The following BTAF1 variants were observed in gnomAD, a reference collection of about 807,000 sequenced individuals.
The protein encoded by BTAF1 is TATA-binding protein-associated factor 172.
In BTAF1, 38 loss-of-function variants were observed where a neutral mutation model predicts 227.1. The ratio of observed to expected loss-of-function variants is 0.17; its 90% CI spans 0.13 to 0.22. BTAF1 has a LOEUF of 0.22. BTAF1 is among the 10% of genes least tolerant of loss of function. The probability of loss-of-function intolerance (pLI) is 1.00; values close to 1 mark genes in which losing one functional copy is unlikely to be tolerated. For missense variants in BTAF1, 1,598 were observed against 2,204.0 expected (o/e 0.73, Z 5.51); for synonymous variants, 742 against 751.9 (o/e 0.99, Z 0.21).
intron 13 of BTAF1, 21 bp downstream of exon 13, chr10:91,964,222 G>A (rs763505964): frequency 5.0e-6 from 8 of 1,606,310 alleles, no homozygotes; most frequent in Non-Finnish European, 6.8e-6. Context: ...CTAATTAGTG[G>A]AATAAAGTAA....
In BTAF1 at chr10:92,030,212, A is replaced by G. The variant is rs1372844292; in HGVS notation, c.*1279A>G. On this transcript the variant is annotated 3_prime_UTR_variant, in exon 38 of 38. Transcript: ENST00000265990. ...ACAGGTGTTTTGTTTAATTAAAATT[A>G]TACTGTTCTGCAGCATTTAGACATT... 2.0e-5 allele frequency: 3 copies of G among 152,588 alleles called. No individual in the cohort carries two copies. The highest frequency in any genetic ancestry group is 2.9e-5 in the Non-Finnish European group (2 of 67,970). The allele number at this position is 152,588 out of a possible 1,614,324, so 9.5% of individuals were successfully genotyped here.
chr10:91,966,016 G>T (rs555064770), intron 13 of BTAF1, among the ~76,000 whole-genome samples: 2 of 152,316 alleles, frequency 1.3e-5, no homozygotes, highest in East Asian at 3.9e-4. Flanking sequence ...ACTTACGAAT[G>T]TGACAGGAAT....
At chr10:91,979,619 T>A (rs569458130) in intron 14 of BTAF1, among the ~76,000 whole-genome samples, 2 of 152,236 alleles carry the variant, frequency 1.3e-5, no homozygotes, top group Admixed American at 6.5e-5. Flanking sequence ...GCAGGGGCTG[T>A]TAGGTACTTT....
intron 33 of BTAF1, among the ~76,000 whole-genome samples, chr10:92,017,740 G>T (rs1850844405): frequency 6.6e-6 from 1 of 151,888 alleles, no homozygotes. Flanking sequence ...TGAACTTTTG[G>T]CCTCAAGTGA....
intron 14 of BTAF1, among the ~76,000 whole-genome samples, chr10:91,973,656 G>A (rs1337517242): frequency 6.6e-6 from 1 of 152,002 alleles, no homozygotes; most frequent in African/African-American, 2.4e-5. Flanking sequence ...TGTAATCCCA[G>A]CACTTTGGGA....
intron 14 of BTAF1, among the ~76,000 whole-genome samples, chr10:91,974,650 G>T (rs1484483896): frequency 1.3e-5 from 2 of 152,264 alleles, no homozygotes; most frequent in East Asian, 3.9e-4. Context: ...TCAGGAGTTT[G>T]AGACCAGCCT....
chr10:91,943,004 C>A (rs1162335004), intron 4 of BTAF1, among the ~76,000 whole-genome samples: 1 of 151,938 alleles, frequency 6.6e-6, no homozygotes. Context: ...ATGCTGGTGT[C>A]CAACGCAAAA....
At position 92,029,687 on chromosome 10, in the gene BTAF1, T is replaced by G. The variant is rs1851769197; in HGVS notation, c.*754T>G. 6.6e-6 allele frequency: 1 copy of G among 151,978 alleles called. No homozygotes were observed. Among genetic ancestry groups the G allele is most frequent in the Non-Finnish European group, 1.5e-5 (1 of 67,914 alleles). 9.4% of individuals were successfully genotyped at this position (151,978 alleles called of 1,614,324 possible). A position where few individuals can be genotyped will look rare whatever the true frequency, so the allele number is the denominator to read the frequency against. On this transcript the variant is annotated 3_prime_UTR_variant, in exon 38 of 38. Transcript: ENST00000265990. Reference sequence around the variant, plus strand: ...ACTCAATAGGTTTCAATCATATATATAATATATTTTTTGTAACTATGAACA... The same window carrying G: ...ACTCAATAGGTTTCAATCATATATAGAATATATTTTTTGTAACTATGAACA...
chr10:91,952,533 T>C (rs1845843257), intron 5 of BTAF1, among the ~76,000 whole-genome samples: 1 of 152,234 alleles, frequency 6.6e-6, no homozygotes, highest in African/African-American at 2.4e-5. Context: ...CAATTCCTGC[T>C]TTGCAATTAT....
intron 32 of BTAF1, among the ~76,000 whole-genome samples, chr10:92,014,818 T>C (rs1850596841): frequency 6.6e-6 from 1 of 152,224 alleles, no homozygotes; most frequent in African/African-American, 2.4e-5. Context: ...GCAAACATCA[T>C]AGAGTGTACT....
rs112954732 is a variant in BTAF1 at position 92,012,602 on chromosome 10, C to G, written c.4312-1065C>G. Among the ~76,000 whole-genome samples, 499 of 150,952 alleles carry G rather than the reference C, an allele frequency of 3.3e-3. 11 individuals are homozygous for G. Among genetic ancestry groups the G allele is most frequent in the African/African-American group, 0.012 (488 of 41,132 alleles). ...CCTGGCCAGTGTGGCAAAACCCCAT[C>G]TCTACTAAAAATACAAAAATTAGCC... On this transcript the variant is annotated intron_variant, in intron 30 of 37. Transcript: ENST00000265990.
chr10:91,948,609 T>C lies in BTAF1; in HGVS notation c.401-2794T>C, dbSNP rs1235178485. 2.0e-5 allele frequency among the ~76,000 whole-genome samples: 3 copies of C among 151,442 alleles called. No individual in the cohort carries two copies. The East Asian group carries it at 5.8e-4, about 29-fold the overall frequency. ...GTTACCCAGGCTGGTCCCAAATTCC[T>C]GGCCTCAAGCGATTCTCCCACCTTG... is the stretch of plus-strand genomic sequence containing the variant. On this transcript the variant is annotated intron_variant, in intron 4 of 37. Transcript: ENST00000265990.
intron 1 of BTAF1, among the ~76,000 whole-genome samples, chr10:91,924,608 A>G (rs1228883340): frequency 6.6e-6 from 1 of 152,200 alleles, no homozygotes; most frequent in Non-Finnish European, 1.5e-5. Context: ...TTTGGCAGTA[A>G]ACATTCCAAC....
chr10:91,970,363 T>C (rs1847200910), intron 14 of BTAF1, among the ~76,000 whole-genome samples: 1 of 152,110 alleles, frequency 6.6e-6, no homozygotes, highest in Non-Finnish European at 1.5e-5. Flanking sequence ...GATAAAGACA[T>C]ACCTGAGACT....
chr10:91,967,092 G>A (rs1846969966), intron 14 of BTAF1, among the ~76,000 whole-genome samples: 1 of 152,134 alleles, frequency 6.6e-6, no homozygotes, highest in South Asian at 2.1e-4. Flanking sequence ...CTGACAGTTG[G>A]GTGGCTGGCA....
At chr10:91,932,213 A>G (rs1350122405) in intron 1 of BTAF1, among the ~76,000 whole-genome samples, 2 of 152,106 alleles carry the variant, frequency 1.3e-5, no homozygotes, top group Non-Finnish European at 2.9e-5. Context: ...GAAGGATGGA[A>G]ATTATTGAAG....
At chr10:91,940,153 AT>A in intron 3 of BTAF1, 87 bp downstream of exon 3, 2 of 801,620 alleles carry the variant, frequency 2.5e-6, no homozygotes, top group South Asian at 2.0e-5. Flanking sequence ...AATAATTTCA[AT>A]TTTAAAGTCT....
intron 33 of BTAF1, among the ~76,000 whole-genome samples, chr10:92,016,762 A>G (rs1336551886): frequency 1.3e-5 from 2 of 152,188 alleles, no homozygotes; most frequent in Admixed American, 6.5e-5. Flanking sequence ...GGCATGAGCC[A>G]CCACGTCTGG....
intron 1 of BTAF1, among the ~76,000 whole-genome samples, chr10:91,925,799 CG>C (rs533761036): frequency 5.2e-4 from 79 of 152,262 alleles, no homozygotes; most frequent in Non-Finnish European, 9.6e-4. Context: ...CGTGAGCCAC[CG>C]CGCCCAGCCA....
Sources: allele counts gnomAD v4.1 joint callset (sites outside exome capture counted in the v4.1 genomes callset), GRCh38; gene constraint gnomAD v4.1.1; transcripts MANE v1.5; gene names NCBI Gene and HGNC (gene_info 2026-07-23, HGNC 2026-07-21).